Variants in PPP3CC observed in about 807,000 individuals in gnomAD.
PPP3CC encodes the protein serine/threonine-protein phosphatase 2B catalytic subunit gamma isoform.
Under a neutral mutation model 60.3 loss-of-function variants are expected in PPP3CC, and 35 were observed. The ratio of observed to expected loss-of-function variants is 0.58; its 90% CI spans 0.44 to 0.77. The LOEUF is 0.77. PPP3CC is among the 30% of genes least tolerant of loss of function. The probability of loss-of-function intolerance (pLI) is 0.00; values close to 1 mark genes in which losing one functional copy is unlikely to be tolerated. For missense variants in PPP3CC, 570 were observed against 628.9 expected, an observed-to-expected ratio of 0.91 and a Z score of 1.00; for synonymous variants, 206 against 224.3, an observed-to-expected ratio of 0.92 and a Z score of 0.73.
At chr8:22,527,271 T>A in intron 8 of PPP3CC, 121 bp from the exon 9 acceptor site, 1 of 1,150,344 alleles carries the variant, frequency 8.7e-7, no homozygotes, top group Non-Finnish European at 1.2e-6. Flanking sequence ...CCTAGTCAAG[T>A]CCTGACTTTA....
chr8:22,491,338 A>G (rs987353909), intron 3 of PPP3CC, among the ~76,000 whole-genome samples: 1 of 152,186 alleles, frequency 6.6e-6, no homozygotes, highest in Non-Finnish European at 1.5e-5. Context: ...CCCTCCTTCC[A>G]GAATATGATT....
rs1269517990 is a variant in PPP3CC at position 22,474,962 on chromosome 8, T to G, written c.58T>G (p.Phe20Val). ...TTATTATTTTTTTGTAGCTGTCCCC[T>G]TTCCTCCAACCCAACGGCTTACTTT... is the stretch of plus-strand genomic sequence containing the variant. ...TTDRVIKAVPFPPTQRLTFKE... is the reference protein window; with the variant it reads ...TTDRVIKAVPVPPTQRLTFKE... Residue 20 changes from phenylalanine (F) to valine (V), a missense_variant, in exon 2 of 14, where the codon TTT becomes GTT. By Grantham distance (50) the Phe-to-Val change is conservative. Coordinates refer to ENST00000240139, the MANE Select transcript of PPP3CC (RefSeq NM_005605.5). The G allele has an allele frequency of 6.4e-7, 1 of 1,573,694 alleles. No homozygotes were observed. Among genetic ancestry groups the G allele is most frequent in the Non-Finnish European group, 8.6e-7 (1 of 1,157,178 alleles).
chr8:22,538,140 G>T (rs1216141232), intron 12 of PPP3CC, among the ~76,000 whole-genome samples: 1 of 152,172 alleles, frequency 6.6e-6, no homozygotes, highest in Non-Finnish European at 1.5e-5. Flanking sequence ...GGCCCTTACT[G>T]CAGGCTGCTA....
At chr8:22,479,617 G>A (rs1008051458) in intron 3 of PPP3CC, among the ~76,000 whole-genome samples, 6 of 151,720 alleles carry the variant, frequency 4.0e-5, no homozygotes, top group East Asian at 1.9e-4. Flanking sequence ...GGTGGTGGGC[G>A]CCTGTAATCT....
intron 7 of PPP3CC, 36 bp from the exon 8 acceptor site, chr8:22,522,619 A>C: frequency 1.9e-6 from 3 of 1,585,662 alleles, no homozygotes; most frequent in South Asian, 1.1e-5. Context: ...CTTTGCATTT[A>C]ATATGCAGAC....
At chr8:22,449,957 C>G (rs1241706843) in intron 1 of PPP3CC, among the ~76,000 whole-genome samples, 1 of 150,746 alleles carries the variant, frequency 6.6e-6, no homozygotes, top group Non-Finnish European at 1.5e-5. Flanking sequence ...ACCTCTGTCT[C>G]CCGGGTTCAA....
At chr8:22,483,438 C>T (rs934964723) in intron 3 of PPP3CC, among the ~76,000 whole-genome samples, 1 of 152,124 alleles carries the variant, frequency 6.6e-6, no homozygotes, top group Non-Finnish European at 1.5e-5. Context: ...AGGCATGTGC[C>T]GCTACGCCCG....
intron 6 of PPP3CC, among the ~76,000 whole-genome samples, chr8:22,515,587 T>C (rs1214299769): frequency 6.6e-6 from 1 of 152,206 alleles, no homozygotes; most frequent in African/African-American, 2.4e-5. Context: ...TTCCCACCAA[T>C]AGGATATGAG....
chr8:22,477,339 T>A (rs1050007601), intron 3 of PPP3CC, among the ~76,000 whole-genome samples: 1 of 152,020 alleles, frequency 6.6e-6, no homozygotes, highest in Non-Finnish European at 1.5e-5. Context: ...TTACCAGGCA[T>A]GGTGGTGGGC....
At chr8:22,460,623 C>A (rs941615580) in intron 1 of PPP3CC, among the ~76,000 whole-genome samples, 1 of 151,954 alleles carries the variant, frequency 6.6e-6, no homozygotes, top group African/African-American at 2.4e-5. Context: ...AGTTTGAGAC[C>A]AGCCTGGGCA....
chr8:22,441,158 G>A lies in PPP3CC; in HGVS notation c.-252G>A. Reference sequence around the variant, plus strand: ...AGCAGCGGTCGCGGTCGGTGCCGAAGCGGTGTTCCCCGCCTTAGCCGCTGG... The same window carrying A: ...AGCAGCGGTCGCGGTCGGTGCCGAAACGGTGTTCCCCGCCTTAGCCGCTGG... On this transcript the variant is annotated 5_prime_UTR_variant, in exon 1 of 14. Coordinates refer to ENST00000240139, the MANE Select transcript of PPP3CC (RefSeq NM_005605.5). The A allele has an allele frequency of 2.7e-6, 1 of 373,984 alleles. No individual in the cohort carries two copies. The highest frequency in any genetic ancestry group is 4.8e-6 in the Non-Finnish European group (1 of 209,458). The allele number at this position is 373,984 out of a possible 1,614,324, so 23.2% of individuals were successfully genotyped here. A position where few individuals can be genotyped will look rare whatever the true frequency, so the allele number is the denominator to read the frequency against.
At chr8:22,443,280 T>C (rs557657687) in intron 1 of PPP3CC, among the ~76,000 whole-genome samples, 9 of 152,244 alleles carry the variant, frequency 5.9e-5, no homozygotes, top group Non-Finnish European at 1.2e-4. Flanking sequence ...CCCAGCACTT[T>C]GGAAGGCCCA....
intron 1 of PPP3CC, among the ~76,000 whole-genome samples, chr8:22,443,611 A>G (rs1836741547): frequency 6.6e-6 from 1 of 152,138 alleles, no homozygotes; most frequent in Non-Finnish European, 1.5e-5. Context: ...GCAGGATGCA[A>G]ATTTGTTCTT....
intron 3 of PPP3CC, among the ~76,000 whole-genome samples, chr8:22,484,299 CTATA>C (rs1223537413): frequency 6.6e-6 from 1 of 151,922 alleles, no homozygotes. Flanking sequence ...TTCTGGCTGA[CTATA>C]TGAGATTTTA....
intron 12 of PPP3CC, among the ~76,000 whole-genome samples, chr8:22,535,804 T>C (rs1431828358): frequency 5.9e-5 from 9 of 152,236 alleles, no homozygotes; most frequent in Non-Finnish European, 1.3e-4. Context: ...CGATCTTGCC[T>C]CACTGCAATC....
At chr8:22,448,830 AT>A (rs1240225200) in intron 1 of PPP3CC, among the ~76,000 whole-genome samples, 1 of 152,240 alleles carries the variant, frequency 6.6e-6, no homozygotes, top group East Asian at 1.9e-4. Context: ...AAAAAAAATC[AT>A]TTGTAGAGAA....
intron 3 of PPP3CC, among the ~76,000 whole-genome samples, chr8:22,494,544 G>A (rs1332605604): frequency 6.6e-6 from 1 of 152,172 alleles, no homozygotes; most frequent in African/African-American, 2.4e-5. Flanking sequence ...CATAAGTGGT[G>A]TATACAATTG....
chr8:22,534,260 AAAT>A (rs561205793), intron 12 of PPP3CC, among the ~76,000 whole-genome samples: 30 of 151,010 alleles, frequency 2.0e-4, no homozygotes, highest in African/African-American at 7.3e-4. Context: ...GAATGGCTAA[AAAT>A]TAAAAGTTTG....
At chr8:22,463,803 T>TTGA (rs1837433767) in intron 1 of PPP3CC, among the ~76,000 whole-genome samples, 1 of 151,698 alleles carries the variant, frequency 6.6e-6, no homozygotes. Context: ...TTTTTTTTTT[T>TTGA]GAGACGAAGT....
Sources: gnomAD v4.1 joint callset for allele counts (sites outside exome capture counted in the v4.1 genomes callset) on GRCh38, gnomAD v4.1.1 for gene constraint, MANE v1.5 for transcripts, NCBI Gene and HGNC (gene_info 2026-07-23, HGNC 2026-07-21) for gene names.